TM2D1: variants seen among roughly 807,000 people sequenced by gnomAD.
TM2D1 encodes TM2 domain-containing protein 1.
Under a neutral mutation model 28.4 loss-of-function variants are expected in TM2D1, and 15 were observed. That is an observed-to-expected ratio of 0.53 (90% CI 0.35 to 0.81). TM2D1 has a LOEUF of 0.81. Ranked by LOEUF, TM2D1 falls within the 40% of genes least tolerant of loss-of-function variation. The pLI is 0.01. For synonymous variants in TM2D1, 93 were observed against 96.2 expected (o/e 0.97, Z 0.20); for missense variants, 236 against 254.9 (o/e 0.93, Z 0.50).
rs565101383 is a variant in TM2D1, at chr1:61,706,603, G to A, written c.347+2726C>T. Among the ~76,000 whole-genome samples, 252 of 152,048 alleles carry A rather than the reference G, an allele frequency of 1.7e-3. 3 individuals carry two copies. The highest frequency in any genetic ancestry group is 5.8e-3 in the African/African-American group (242 of 41,506). On this transcript the variant is annotated intron_variant, in intron 3 of 6. Coordinates refer to ENST00000606498, the MANE Select transcript of TM2D1 (RefSeq NM_032027.3). ...GCAGGTGGATCACCTGAGGTCAGGA[G>A]TTCGAGACCAGCCTGACAAACATGG...
Position 61,710,546 on chromosome 1 carries a change from C to T in TM2D1, c.239-1109G>A, listed in dbSNP as rs1644471609. 1.3e-5 allele frequency among the ~76,000 whole-genome samples: 2 copies of T among 148,726 alleles called. 1 individual carries two copies. On this transcript the variant is annotated intron_variant, in intron 2 of 6. Transcript: ENST00000606498. ...CACACACACATATACGACTACCCAC[C>T]TCATAGCACCATTGTAAGAATATAT...
At chr1:61,702,391 T>C (rs1326092967) in intron 3 of TM2D1, among the ~76,000 whole-genome samples, 3 of 150,592 alleles carry the variant, frequency 2.0e-5, no homozygotes, top group Non-Finnish European at 3.0e-5. Context: ...TTTTTTGAGA[T>C]GGAATCTCAC....
chr1:61,706,009 G>A (rs1644437805), intron 3 of TM2D1, among the ~76,000 whole-genome samples: 1 of 152,142 alleles, frequency 6.6e-6, no homozygotes, highest in Admixed American at 6.6e-5. Flanking sequence ...AACTGGAAAA[G>A]GGACACCTAA....
At chr1:61,701,611 A>T (rs1456417405) in intron 3 of TM2D1, among the ~76,000 whole-genome samples, 1 of 150,606 alleles carries the variant, frequency 6.6e-6, no homozygotes, top group Non-Finnish European at 1.5e-5. Flanking sequence ...ACTGCATTGC[A>T]TATTTGTAGG....
At chr1:61,710,560 G>T (rs545581142) in intron 2 of TM2D1, among the ~76,000 whole-genome samples, 3 of 144,600 alleles carry the variant, frequency 2.1e-5, no homozygotes, top group South Asian at 4.4e-4. Flanking sequence ...TAGCACCATT[G>T]TAAGAATATA....
chr1:61,719,276 C>T (rs1471919622), intron 2 of TM2D1, among the ~76,000 whole-genome samples: 1 of 152,124 alleles, frequency 6.6e-6, no homozygotes, highest in African/African-American at 2.4e-5. Context: ...TCTAGAACTC[C>T]TGGGTTCAAG....
intron 4 of TM2D1, among the ~76,000 whole-genome samples, chr1:61,696,646 C>T (rs547523274): frequency 1.3e-5 from 2 of 152,104 alleles, no homozygotes; most frequent in South Asian, 4.1e-4. Flanking sequence ...TAGGTAATCA[C>T]ATCAGGGCTT....
chr1:61,694,853 TTA>T (rs10680868), intron 4 of TM2D1, 83 bp from the exon 5 acceptor site: 645 of 631,204 alleles, frequency 1.0e-3, no homozygotes, highest in South Asian at 2.1e-3. Flanking sequence ...TAAACCATTA[TTA>T]TATATATATA....
At chr1:61,711,073 C>G (rs1427228926) in intron 2 of TM2D1, among the ~76,000 whole-genome samples, 2 of 152,122 alleles carry the variant, frequency 1.3e-5, no homozygotes, top group Non-Finnish European at 2.9e-5. Context: ...CTCAATGGCT[C>G]AAGCCTGTGA....
intron 6 of TM2D1, among the ~76,000 whole-genome samples, chr1:61,681,936 G>A (rs1644247996): frequency 6.6e-6 from 1 of 152,122 alleles, no homozygotes; most frequent in Non-Finnish European, 1.5e-5. Flanking sequence ...CTGGTAAGAA[G>A]AGGTAGATGG....
At chr1:61,700,165 C>T in intron 4 of TM2D1, 1 of 1,519,638 alleles carries the variant, frequency 6.6e-7, no homozygotes. Context: ...AATCTCGTGA[C>T]AATTTTCCTA....
chr1:61,686,001 C>T lies in TM2D1; in HGVS notation c.514-2455G>A, dbSNP rs1314728273. On this transcript the variant is annotated intron_variant, in intron 5 of 6. Coordinates refer to ENST00000606498, the MANE Select transcript of TM2D1 (RefSeq NM_032027.3). ...GCGCTCCAGCCTGGGTGACAAAATGCAACCCTATTTAAATAACCAAATTAA... is the reference window on the plus strand; with the variant it reads ...GCGCTCCAGCCTGGGTGACAAAATGTAACCCTATTTAAATAACCAAATTAA... Among the ~76,000 whole-genome samples, 5 of 151,948 alleles carry T rather than the reference C, an allele frequency of 3.3e-5. No homozygotes were observed. The East Asian group carries it at 5.8e-4, about 18-fold the overall frequency.
rs1322854790 is a variant in TM2D1, at chr1:61,709,426, G to C, written c.250C>G (p.Pro84Ala). Residue 84 changes from proline (P) to alanine (A), a missense_variant, in exon 3 of 7, where the codon CCA becomes GCA. This residue lies in a region of TM2D1 where 167 missense variants were observed against 162.7 expected (regional missense o/e 1.03). Transcript: ENST00000606498. ...TNYTAHVSCF[P>A]APNITCKDSS... ...TCCTTACAAGTTATGTTGGGTGCTG[G>C]AAAACAGGAAACTGAAGGCAGAAAA... The C allele has an allele frequency of 6.8e-6, 11 of 1,607,632 alleles. No individual in the cohort carries two copies. The highest frequency in any genetic ancestry group is 7.7e-6 in the Non-Finnish European group (9 of 1,175,864).
chr1:61,721,448 A>T (rs993652381), intron 2 of TM2D1, among the ~76,000 whole-genome samples: 1 of 151,332 alleles, frequency 6.6e-6, no homozygotes, highest in African/African-American at 2.4e-5. Flanking sequence ...AGGCTGAGGC[A>T]GGAGAATCAC....
intron 5 of TM2D1, 21 bp downstream of exon 5, chr1:61,694,676 A>C (rs1644351525): frequency 6.5e-7 from 1 of 1,549,738 alleles, no homozygotes; most frequent in Non-Finnish European, 8.8e-7. Flanking sequence ...AGTAGTTTAC[A>C]TTCTAGATTG....
chr1:61,714,633 C>A (rs1644503707), intron 2 of TM2D1, among the ~76,000 whole-genome samples: 1 of 152,204 alleles, frequency 6.6e-6, no homozygotes, highest in African/African-American at 2.4e-5. Flanking sequence ...CGGCTCACTG[C>A]AGCCTCAACC....
intron 3 of TM2D1, among the ~76,000 whole-genome samples, chr1:61,708,679 G>A (rs1557535171): frequency 1.3e-5 from 2 of 152,046 alleles, no homozygotes; most frequent in Non-Finnish European, 2.9e-5. Flanking sequence ...GATACAATAG[G>A]TACACAATTG....
intron 5 of TM2D1, chr1:61,694,227 G>A (rs562434522): frequency 6.6e-6 from 1 of 152,350 alleles, no homozygotes; most frequent in South Asian, 2.1e-4. Context: ...CCTGTCCAGT[G>A]CAAAAGAAAA....
chr1:61,710,828 C>T (rs1450332570), intron 2 of TM2D1, among the ~76,000 whole-genome samples: 1 of 152,026 alleles, frequency 6.6e-6, no homozygotes, highest in Non-Finnish European at 1.5e-5. Context: ...TCATTGTCCT[C>T]TTTTAGGCAA....
Sources: gnomAD v4.1 joint callset for allele counts (sites outside exome capture counted in the v4.1 genomes callset) on GRCh38, gnomAD v4.1.1 for gene constraint, gnomAD v4.1.1 regional missense constraint, MANE v1.5 for transcripts, NCBI Gene and HGNC (gene_info 2026-07-23, HGNC 2026-07-21) for gene names.